CRY1: variants seen among roughly 807,000 people sequenced by gnomAD.
CRY1 encodes the protein cryptochrome circadian regulator 1.
CRY1 carries 45 observed loss-of-function variants against 76.0 expected under a neutral mutation model. The observed-to-expected ratio is 0.59, with a 90% CI of 0.47 to 0.76. CRY1 has a LOEUF of 0.76. Ranked by LOEUF, CRY1 falls within the 30% of genes least tolerant of loss-of-function variation. CRY1 has a pLI of 0.00. For missense variants in CRY1, 587 were observed against 716.4 expected, an observed-to-expected ratio of 0.82 and a Z score of 2.06; for synonymous variants, 248 against 244.0, an observed-to-expected ratio of 1.02 and a Z score of -0.15.
intron 1 of CRY1, among the ~76,000 whole-genome samples, chr12:107,036,339 A>G (rs749655593): frequency 1.3e-5 from 2 of 152,202 alleles, no homozygotes. Flanking sequence ...AAATCTTAAC[A>G]GCTCTATGTT....
At chr12:107,026,157 A>ACATATATATGTTATATATGTTATATATTT (rs1160937379) in intron 1 of CRY1, among the ~76,000 whole-genome samples, 1 of 75,700 alleles carries the variant, frequency 1.3e-5, no homozygotes, top group African/African-American at 5.9e-5. Context: ...TATATATATA[A>ACATATATATGTTATATATGTTATATATTT]AATATATATA....
chr12:107,040,759 A>G (rs1952789790), intron 1 of CRY1, among the ~76,000 whole-genome samples: 2 of 152,186 alleles, frequency 1.3e-5, no homozygotes, highest in South Asian at 2.1e-4. Flanking sequence ...CCAAAATTTT[A>G]GAATCCTAAA....
Position 107,026,667 on chromosome 12 carries a change from T to C in CRY1, c.159-4475A>G, listed in dbSNP as rs183590421. On this transcript the variant is annotated intron_variant, in intron 1 of 12. Coordinates refer to ENST00000008527, the MANE Select transcript of CRY1 (RefSeq NM_004075.5). The stretch of plus-strand genomic sequence containing the variant: ...CTAGTAGGGGTGTCTTGTGTAACTG[T>C]TGAAAGGATTAGGAGCCTCATAAAA... Among the ~76,000 whole-genome samples the C allele has an allele frequency of 3.7e-4, 57 of 152,208 alleles. No individual in the cohort carries two copies. The East Asian group carries it at 6.2e-3, about 17-fold the overall frequency.
intron 1 of CRY1, among the ~76,000 whole-genome samples, chr12:107,052,276 C>T (rs1319942864): frequency 3.9e-5 from 6 of 152,188 alleles, no homozygotes; most frequent in South Asian, 2.1e-4. Context: ...AAAAATCTAA[C>T]GTAATTAGAT....
intron 1 of CRY1, among the ~76,000 whole-genome samples, chr12:107,057,987 T>G (rs1953004292): frequency 6.6e-6 from 1 of 151,768 alleles, no homozygotes; most frequent in Non-Finnish European, 1.5e-5. Context: ...GCCCAGGAGT[T>G]TGAGGCTGTA....
chr12:107,070,850 G>T (rs1001830279), intron 1 of CRY1, among the ~76,000 whole-genome samples: 2 of 145,822 alleles, frequency 1.4e-5, no homozygotes, highest in Non-Finnish European at 3.0e-5. Context: ...ACAGGCACCT[G>T]CCACCATGCC....
chr12:107,052,126 TA>T (rs1352633850), intron 1 of CRY1, among the ~76,000 whole-genome samples: 1 of 152,046 alleles, frequency 6.6e-6, no homozygotes, highest in Non-Finnish European at 1.5e-5. Context: ...GGATGATTTT[TA>T]AAGAGAAAGA....
chr12:107,031,897 G>T (rs971852104), intron 1 of CRY1, among the ~76,000 whole-genome samples: 6 of 152,260 alleles, frequency 3.9e-5, no homozygotes, highest in African/African-American at 1.4e-4. Flanking sequence ...TCTGAATAAA[G>T]TCTGGAGTTT....
At chr12:107,069,024 C>T (rs571810095) in intron 1 of CRY1, among the ~76,000 whole-genome samples, 1 of 152,222 alleles carries the variant, frequency 6.6e-6, no homozygotes, top group Non-Finnish European at 1.5e-5. Context: ...CTGCTATGGA[C>T]ATTCATGTAT....
chr12:107,092,439 T>C (rs1049716079), intron 1 of CRY1, among the ~76,000 whole-genome samples: 1 of 152,166 alleles, frequency 6.6e-6, no homozygotes, highest in East Asian at 1.9e-4. Flanking sequence ...ACAGGAAACA[T>C]CACAATCCTT....
intron 1 of CRY1, among the ~76,000 whole-genome samples, chr12:107,036,332 T>G (rs1433104961): frequency 6.6e-6 from 1 of 152,180 alleles, no homozygotes; most frequent in Non-Finnish European, 1.5e-5. Flanking sequence ...CTATGGCAAA[T>G]CTTAACAGCT....
At position 107,092,795 on chromosome 12, in the gene CRY1, G is replaced by C. The variant is rs1483087476; in HGVS notation, c.158+9C>G. On this transcript the variant is annotated intron_variant, in intron 1 of 12. Coordinates refer to ENST00000008527, the MANE Select transcript of CRY1 (RefSeq NM_004075.5). Reference sequence around the variant, plus strand: ...ACCCAAATCCATTTCCCACGGGCTTGTGACTCACCGCCACCTGTTGATGCC... The same window carrying C: ...ACCCAAATCCATTTCCCACGGGCTTCTGACTCACCGCCACCTGTTGATGCC... The C allele has an allele frequency of 1.2e-5, 19 of 1,611,308 alleles. No individual in the cohort carries two copies. The highest frequency in any genetic ancestry group is 1.6e-5 in the Non-Finnish European group (19 of 1,179,736).
intron 2 of CRY1, among the ~76,000 whole-genome samples, chr12:107,014,094 T>C (rs1379643926): frequency 2.0e-5 from 3 of 152,166 alleles, no homozygotes; most frequent in Admixed American, 1.3e-4. Context: ...CTGAGATTCA[T>C]GGCTCATTGG....
chr12:107,040,397 T>G (rs1228026912), intron 1 of CRY1, among the ~76,000 whole-genome samples: 1 of 150,600 alleles, frequency 6.6e-6, no homozygotes, highest in African/African-American at 2.5e-5. Context: ...GTGATTTTTC[T>G]GCCCCAGCCT....
At chr12:107,002,021 G>A in intron 3 of CRY1, 73 bp from the exon 4 acceptor site, 1 of 1,271,770 alleles carries the variant, frequency 7.9e-7, no homozygotes, top group East Asian at 2.7e-5. Flanking sequence ...GCTCCCAAAA[G>A]GCTTAAAAAG....
At chr12:107,009,604 A>ATATC (rs1358673065) in intron 2 of CRY1, among the ~76,000 whole-genome samples, 1 of 29,440 alleles carries the variant, frequency 3.4e-5, no homozygotes, top group East Asian at 6.9e-3. Context: ...ATATATATAA[A>ATATC]ATCTCTATAT....
At chr12:107,082,583 C>G (rs1257342435) in intron 1 of CRY1, among the ~76,000 whole-genome samples, 1 of 152,106 alleles carries the variant, frequency 6.6e-6, no homozygotes, top group Admixed American at 6.5e-5. Flanking sequence ...ACAATCTGCT[C>G]CTGAGTGACT....
intron 1 of CRY1, among the ~76,000 whole-genome samples, chr12:107,081,189 G>A (rs1459839296): frequency 1.3e-5 from 2 of 152,064 alleles, no homozygotes; most frequent in Non-Finnish European, 2.9e-5. Flanking sequence ...ACAAGTCATA[G>A]CTTCAAATGT....
Position 106,992,787 on chromosome 12 carries a change from C to G in CRY1, c.1761G>C (p.Ter587TyrextTer42). Residue 587 changes from the stop codon to tyrosine, a stop_lost and splice_region_variant, in exon 12 of 13, where the codon TAG becomes TAC. Coordinates refer to ENST00000008527, the MANE Select transcript of CRY1 (RefSeq NM_004075.5). ...AGAAATACAGCTCTAAAATATTTAC[C>G]TAATTAGTGCTCTGTCTCTGGACTT... ...GPKVQRQSTN[*>Y] The G allele has an allele frequency of 6.2e-7, 1 of 1,607,796 alleles. No homozygotes were observed. Among genetic ancestry groups the G allele is most frequent in the Non-Finnish European group, 8.5e-7 (1 of 1,174,686 alleles).
Sources: allele counts gnomAD v4.1 joint callset (sites outside exome capture counted in the v4.1 genomes callset), GRCh38; gene constraint gnomAD v4.1.1; transcripts MANE v1.5; gene names NCBI Gene and HGNC (gene_info 2026-07-23, HGNC 2026-07-21).